HIVEP3: variants seen among roughly 807,000 people sequenced by gnomAD.
HIVEP3 encodes the protein transcription factor HIVEP3.
In HIVEP3, 49 loss-of-function variants were observed where a neutral mutation model predicts 152.8. The observed-to-expected ratio is 0.32, with a 90% CI of 0.26 to 0.41. HIVEP3 has a LOEUF of 0.41. Ranked by LOEUF, HIVEP3 falls within the 10% of genes least tolerant of loss-of-function variation. The pLI is 1.00. For synonymous variants in HIVEP3, 1,269 were observed against 1,289.0 expected, an observed-to-expected ratio of 0.98 and a Z score of 0.33; for missense variants, 2,790 against 3,103.3, an observed-to-expected ratio of 0.90 and a Z score of 2.40.
chr1:42,001,486 G>A (rs1165513412), intron 1 of HIVEP3, among the ~76,000 whole-genome samples: 1 of 152,164 alleles, frequency 6.6e-6, no homozygotes, highest in Non-Finnish European at 1.5e-5. Context: ...ACATTGTCAT[G>A]CTCAATAGTG....
chr1:41,685,353 A>G (rs574185929), intron 2 of HIVEP3, among the ~76,000 whole-genome samples: 3 of 152,320 alleles, frequency 2.0e-5, no homozygotes, highest in Non-Finnish European at 2.9e-5. Context: ...GTGGCTTTCT[A>G]TATGTTGAGA....
chr1:41,681,089 G>GGTGTGTGTGT (rs35572259), intron 2 of HIVEP3, among the ~76,000 whole-genome samples: 12 of 148,244 alleles, frequency 8.1e-5, no homozygotes, highest in African/African-American at 3.0e-4. Flanking sequence ...GCTAAGAACT[G>GGTGTGTGTGT]GTGTGTGTGT....
At position 41,893,909 on chromosome 1, in the gene HIVEP3, T is replaced by TA. The variant is rs570521070; in HGVS notation, c.-801+24503_-801+24504insT. Among the ~76,000 whole-genome samples, 1,007 of 147,376 alleles carry TA rather than the reference T, an allele frequency of 6.8e-3. 9 individuals are homozygous for TA. Among genetic ancestry groups the TA allele is most frequent in the African/African-American group, 0.023 (915 of 40,458 alleles). On this transcript the variant is annotated intron_variant, in intron 1 of 8. Transcript: ENST00000372583. Reference sequence around the variant, plus strand: ...GAATATGCATATATAATATTTATTTTTTATATATATATATATAAATTGTCT... The same window carrying TA: ...GAATATGCATATATAATATTTATTTTATTATATATATATATATAAATTGTCT...
chr1:41,755,017 AAAAT>A (rs1033069511), intron 1 of HIVEP3, among the ~76,000 whole-genome samples: 6 of 152,230 alleles, frequency 3.9e-5, no homozygotes, highest in African/African-American at 1.4e-4. Context: ...TGAAAAAAGA[AAAAT>A]AAGGTGAGAA....
intron 2 of HIVEP3, among the ~76,000 whole-genome samples, chr1:41,697,915 A>G (rs1646301962): frequency 6.6e-6 from 1 of 152,164 alleles, no homozygotes; most frequent in Admixed American, 6.5e-5. Flanking sequence ...TCATTCAAGC[A>G]TAGACTCTGG....
chr1:41,526,782 C>G (rs1259621718), intron 5 of HIVEP3, among the ~76,000 whole-genome samples: 50 of 143,870 alleles, frequency 3.5e-4, no homozygotes, highest in Non-Finnish European at 5.8e-4. Context: ...CTCACCCTAA[C>G]ACACACCCTC....
At position 41,834,541 on chromosome 1, in the gene HIVEP3, C is replaced by T. The variant is rs962987561; in HGVS notation, c.-801+83872G>A. 3.3e-5 allele frequency among the ~76,000 whole-genome samples: 5 copies of T among 152,280 alleles called. No individual in the cohort carries two copies. In the South Asian group the frequency reaches 1.0e-3, roughly 32 times the overall value. ...AGAACACTATAGCTGTAACAGCTCC[C>T]CAATTCTTATTGAATAAGACAGCGA... On this transcript the variant is annotated intron_variant, in intron 1 of 8. Transcript: ENST00000372583.
chr1:41,796,389 T>C (rs1649983249), intron 1 of HIVEP3, among the ~76,000 whole-genome samples: 1 of 152,266 alleles, frequency 6.6e-6, no homozygotes, highest in African/African-American at 2.4e-5. Flanking sequence ...GACAGAGAAC[T>C]ATATGAGGAC....
intron 5 of HIVEP3, among the ~76,000 whole-genome samples, chr1:41,548,445 C>T (rs984617118): frequency 5.3e-5 from 8 of 152,224 alleles, no homozygotes; most frequent in Non-Finnish European, 1.2e-4. Flanking sequence ...GTCTGGGCTC[C>T]AAGCTGCTCA....
At chr1:41,696,524 G>A (rs1024463431) in intron 2 of HIVEP3, among the ~76,000 whole-genome samples, 19 of 152,360 alleles carry the variant, frequency 1.2e-4, no homozygotes, top group African/African-American at 4.3e-4. Context: ...GAGAGGCCAA[G>A]CTAAAATTAC....
chr1:41,645,989 C>T (rs1012910107), intron 2 of HIVEP3, among the ~76,000 whole-genome samples: 2 of 152,166 alleles, frequency 1.3e-5, no homozygotes, highest in Non-Finnish European at 2.9e-5. Context: ...GGGCACCTTG[C>T]TCACCTCACC....
At chr1:41,957,210 C>CA (rs201445003) in intron 1 of HIVEP3, among the ~76,000 whole-genome samples, 2,441 of 125,030 alleles carry the variant, frequency 0.02, 39 homozygotes, top group Non-Finnish European at 0.027. Context: ...TCCAGAGTCC[C>CA]AAAAAAACTA....
At position 41,513,180 on chromosome 1, in the gene HIVEP3, T is replaced by A. The variant is rs999962934; in HGVS notation, c.6041A>T (p.His2014Leu). The A allele has an allele frequency of 4.3e-6, 7 of 1,613,840 alleles. No homozygotes were observed. The highest frequency in any genetic ancestry group is 5.9e-6 in the Non-Finnish European group (7 of 1,179,978). Residue 2014 changes from histidine to leucine, a missense_variant, in exon 8 of 9, where the codon CAC becomes CTC. By Grantham distance (99) the His-to-Leu change is moderately conservative. Coordinates refer to ENST00000372583, the MANE Select transcript of HIVEP3 (RefSeq NM_024503.5). ...QASAPSPPGL[H>L]VDPGRGMGAL... ...GCCCATGCCCCTTCCTGGGTCCACGTGCAGGCCAGGTGGGCTTGGGGCTGA... is the reference window on the plus strand; with the variant it reads ...GCCCATGCCCCTTCCTGGGTCCACGAGCAGGCCAGGTGGGCTTGGGGCTGA...
intron 7 of HIVEP3, among the ~76,000 whole-genome samples, chr1:41,515,355 C>T (rs1642573285): frequency 6.6e-6 from 1 of 152,308 alleles, no homozygotes; most frequent in Admixed American, 6.5e-5. Flanking sequence ...TGGGGTGGAG[C>T]TGGGGCTGGC....
chr1:41,841,098 C>T (rs974565245), intron 1 of HIVEP3, among the ~76,000 whole-genome samples: 1 of 152,128 alleles, frequency 6.6e-6, no homozygotes, highest in Admixed American at 6.5e-5. Flanking sequence ...CCTGGAGGGC[C>T]GTGCAGACAA....
At chr1:41,650,528 C>T (rs1238847724) in intron 2 of HIVEP3, among the ~76,000 whole-genome samples, 2 of 145,764 alleles carry the variant, frequency 1.4e-5, no homozygotes. Context: ...CTTCTTTTCT[C>T]TTTATTTTCT....
intron 1 of HIVEP3, among the ~76,000 whole-genome samples, chr1:41,740,078 GCAGA>G (rs200676415): frequency 0.01 from 1,586 of 152,314 alleles, 12 homozygotes; most frequent in Non-Finnish European, 0.016. Context: ...CTAAGAAGTG[GCAGA>G]TCCAGGACTC....
At chr1:41,630,254 G>A (rs567845395) in intron 2 of HIVEP3, among the ~76,000 whole-genome samples, 3 of 152,084 alleles carry the variant, frequency 2.0e-5, no homozygotes, top group Admixed American at 6.6e-5. Flanking sequence ...AGATGGGAAC[G>A]ACAGACACTA....
chr1:41,636,874 G>A (rs780332604), intron 2 of HIVEP3, among the ~76,000 whole-genome samples: 5 of 149,816 alleles, frequency 3.3e-5, no homozygotes, highest in South Asian at 2.1e-4. Context: ...CAGGAGAATC[G>A]CTTGAAACCG....
Sources: allele counts gnomAD v4.1 joint callset (sites outside exome capture counted in the v4.1 genomes callset), GRCh38; gene constraint gnomAD v4.1.1; transcripts MANE v1.5; gene names NCBI Gene and HGNC (gene_info 2026-07-23, HGNC 2026-07-21).